The following L3MBTL4 variants were observed in gnomAD, a reference collection of about 807,000 sequenced individuals.
L3MBTL4 encodes the protein lethal(3)malignant brain tumor-like protein 4.
A neutral mutation model predicts 84.5 loss-of-function variants in L3MBTL4; 70 were observed. The ratio of observed to expected loss-of-function variants is 0.83; its 90% confidence interval spans 0.68 to 1.01. L3MBTL4 has a LOEUF of 1.01. Among genes scored for constraint, L3MBTL4 ranks in the 50% least tolerant of loss-of-function variants. The pLI is 0.00. For synonymous variants in L3MBTL4, 274 were observed against 259.8 expected, an observed-to-expected ratio of 1.05 and a Z score of -0.52; for missense variants, 715 against 754.8, an observed-to-expected ratio of 0.95 and a Z score of 0.62.
At chr18:6,343,973 G>C (rs958542630) in intron 1 of L3MBTL4, among the ~76,000 whole-genome samples, 1 of 132,500 alleles carries the variant, frequency 7.5e-6, no homozygotes, top group Non-Finnish European at 1.6e-5. Flanking sequence ...AAACAGTCCA[G>C]CTTTATACTT....
chr18:6,193,402 G>A (rs1172866247), intron 12 of L3MBTL4, among the ~76,000 whole-genome samples: 1 of 152,132 alleles, frequency 6.6e-6, no homozygotes, highest in Non-Finnish European at 1.5e-5. Flanking sequence ...AAAGGGAAAA[G>A]GTCTGGAAAT....
At chr18:6,097,361 A>G (rs1337127213) in intron 14 of L3MBTL4, among the ~76,000 whole-genome samples, 1 of 152,232 alleles carries the variant, frequency 6.6e-6, no homozygotes, top group Non-Finnish European at 1.5e-5. Flanking sequence ...CAAATGAAAA[A>G]GTAAATTTTA....
chr18:6,224,931 A>G (rs955729887), intron 10 of L3MBTL4, among the ~76,000 whole-genome samples: 1 of 143,312 alleles, frequency 7.0e-6, no homozygotes, highest in African/African-American at 2.6e-5. Context: ...AGGAAATTCG[A>G]AAAAAAAAAC....
chr18:6,319,209 C>A (rs967428666), intron 1 of L3MBTL4, among the ~76,000 whole-genome samples: 1 of 151,920 alleles, frequency 6.6e-6, no homozygotes, highest in Non-Finnish European at 1.5e-5. Context: ...TAATGTCACA[C>A]CTCAAGGAAC....
At chr18:6,246,942 G>GC (rs2047689625) in intron 5 of L3MBTL4, among the ~76,000 whole-genome samples, 1 of 151,864 alleles carries the variant, frequency 6.6e-6, no homozygotes, top group East Asian at 1.9e-4. Flanking sequence ...TTTAAAAGTT[G>GC]CAACAACAAG....
At chr18:6,072,881 AATATATATATATATATATATATATAT>A (rs71163258) in intron 16 of L3MBTL4, among the ~76,000 whole-genome samples, 1 of 20,450 alleles carries the variant, frequency 4.9e-5, no homozygotes, top group African/African-American at 1.9e-4. Context: ...AAAAAAAAAA[AATATATATATATATATATATATATAT>A]ATATATATAT....
At position 5,958,070 on chromosome 18, in the gene L3MBTL4, G is replaced by GAAGAAGAAGAAGAA. The variant is rs2095239395; in HGVS notation, c.1678-1697_1678-1684dup. Reference sequence around the variant, plus strand: ...AGAAGGAGAAGGAGAAGGAGAAGAAGAAGAAGAAGAAGAAGAAGAAGAAGA... The same window carrying GAAGAAGAAGAAGAA: ...AGAAGGAGAAGGAGAAGGAGAAGAAGAAGAAGAAGAAGAAAAGAAGAAGAAGAAGAAGAAGAAGA... On this transcript the variant is annotated intron_variant, in intron 18 of 18. Coordinates refer to ENST00000317931, the MANE Select transcript of L3MBTL4 (RefSeq NM_001330559.2). 8.4e-5 allele frequency among the ~76,000 whole-genome samples: 3 copies of GAAGAAGAAGAAGAA among 35,754 alleles called. No homozygotes were observed. The Admixed American group carries it at 9.3e-4, about 11-fold the overall frequency. 23.5% of individuals were successfully genotyped at this position (35,754 alleles called of 152,430 possible). A position where few individuals can be genotyped will look rare whatever the true frequency, so the allele number is the denominator to read the frequency against.
At chr18:6,068,486 G>T (rs2057469979) in intron 16 of L3MBTL4, among the ~76,000 whole-genome samples, 1 of 152,194 alleles carries the variant, frequency 6.6e-6, no homozygotes, top group Non-Finnish European at 1.5e-5. Context: ...CCACCTTCCT[G>T]TCCCAGTATT....
chr18:6,228,589 C>T (rs565436790), intron 10 of L3MBTL4, among the ~76,000 whole-genome samples: 1 of 152,196 alleles, frequency 6.6e-6, no homozygotes, highest in Non-Finnish European at 1.5e-5. Context: ...GATTTGAATA[C>T]ATATTTAACT....
intron 4 of L3MBTL4, among the ~76,000 whole-genome samples, chr18:6,280,024 G>A (rs965934868): frequency 6.6e-6 from 1 of 151,958 alleles, no homozygotes; most frequent in African/African-American, 2.4e-5. Flanking sequence ...TTTTTCCCTT[G>A]ACAGTAAAAA....
chr18:6,282,592 G>A (rs1430201500), intron 4 of L3MBTL4, among the ~76,000 whole-genome samples: 1 of 152,174 alleles, frequency 6.6e-6, no homozygotes, highest in Non-Finnish European at 1.5e-5. Flanking sequence ...ACCGGAAAGG[G>A]CAAGATGCTT....
intron 16 of L3MBTL4, among the ~76,000 whole-genome samples, chr18:6,073,679 G>A (rs1297498693): frequency 6.6e-6 from 1 of 152,202 alleles, no homozygotes; most frequent in African/African-American, 2.4e-5. Flanking sequence ...AATTGACGAT[G>A]CAAGCTGAAG....
intron 12 of L3MBTL4, among the ~76,000 whole-genome samples, chr18:6,211,698 G>A (rs948518194): frequency 2.6e-5 from 4 of 151,574 alleles, no homozygotes; most frequent in African/African-American, 9.7e-5. Flanking sequence ...GCCCAGGCTG[G>A]AGTGCAGTGG....
chr18:6,216,465 T>A (rs993817400), intron 10 of L3MBTL4, among the ~76,000 whole-genome samples: 14 of 152,114 alleles, frequency 9.2e-5, no homozygotes, highest in Admixed American at 7.9e-4. Flanking sequence ...TTCCACGCAA[T>A]AAGTATTTAG....
chr18:6,163,265 G>T (rs918193137), intron 13 of L3MBTL4, among the ~76,000 whole-genome samples: 28 of 103,062 alleles, frequency 2.7e-4, no homozygotes, highest in African/African-American at 8.6e-4. Context: ...TGTGTGGGGG[G>T]GGGGTGGGTG....
At chr18:6,136,569 A>G (rs2060034657) in intron 14 of L3MBTL4, among the ~76,000 whole-genome samples, 1 of 152,144 alleles carries the variant, frequency 6.6e-6, no homozygotes, top group Non-Finnish European at 1.5e-5. Flanking sequence ...GTAACTTTGC[A>G]ACTTCACTTC....
chr18:6,343,997 G>GA (rs34939798), intron 1 of L3MBTL4, among the ~76,000 whole-genome samples: 6,901 of 106,240 alleles, frequency 0.065, 595 homozygotes, highest in African/African-American at 0.19. Flanking sequence ...GGAGCTAGAG[G>GA]AAAAAAAAAA....
intron 14 of L3MBTL4, among the ~76,000 whole-genome samples, chr18:6,095,565 C>T (rs1209675809): frequency 3.3e-5 from 5 of 151,954 alleles, no homozygotes; most frequent in Non-Finnish European, 7.4e-5. Context: ...TTAGCCAGGA[C>T]GGTCTCGATC....
intron 16 of L3MBTL4, among the ~76,000 whole-genome samples, chr18:6,001,338 C>G (rs1296915007): frequency 1.3e-5 from 2 of 152,182 alleles, no homozygotes; most frequent in Non-Finnish European, 1.5e-5. Context: ...ATAACATATA[C>G]AAGGGAATTT....
Sources: gnomAD v4.1 joint callset for allele counts (sites outside exome capture counted in the v4.1 genomes callset) on GRCh38, gnomAD v4.1.1 for gene constraint, MANE v1.5 for transcripts, NCBI Gene and HGNC (gene_info 2026-07-23, HGNC 2026-07-21) for gene names.